INO80D: variants seen among roughly 807,000 people sequenced by gnomAD.
INO80D encodes the protein INO80 complex subunit D.
INO80D carries 21 observed loss-of-function variants against 87.6 expected under a neutral mutation model. The ratio of observed to expected loss-of-function variants is 0.24; its 90% CI spans 0.17 to 0.35. INO80D has a LOEUF of 0.35. Ranked by LOEUF, INO80D falls within the 10% of genes least tolerant of loss-of-function variation. The probability of loss-of-function intolerance (pLI) is 1.00; values close to 1 mark genes in which losing one functional copy is unlikely to be tolerated. For synonymous variants in INO80D, 440 were observed against 491.0 expected (o/e 0.90, Z 1.37); for missense variants, 982 against 1,280.7 (o/e 0.77, Z 3.56).
chr2:206,063,322 T>C (rs1268874703), intron 1 of INO80D, 78 bp from the exon 2 acceptor site: 1 of 504,596 alleles, frequency 2.0e-6, no homozygotes, highest in Non-Finnish European at 3.4e-6. Context: ...AATACTAAGA[T>C]ATCACCCTTA....
intron 5 of INO80D, among the ~76,000 whole-genome samples, chr2:206,039,412 A>G (rs1688977313): frequency 6.6e-6 from 1 of 152,122 alleles, no homozygotes; most frequent in Admixed American, 6.5e-5. Flanking sequence ...CAAAAACAAA[A>G]CAAAAAAGAA....
intron 1 of INO80D, among the ~76,000 whole-genome samples, chr2:206,083,316 A>G (rs1443569304): frequency 6.6e-6 from 1 of 152,228 alleles, no homozygotes; most frequent in African/African-American, 2.4e-5. Flanking sequence ...ATAAGGCAAT[A>G]ACAATTTTTT....
chr2:206,036,869 C>A (rs1426946995), intron 5 of INO80D, among the ~76,000 whole-genome samples: 1 of 152,140 alleles, frequency 6.6e-6, no homozygotes, highest in Non-Finnish European at 1.5e-5. Flanking sequence ...TATTTTATCA[C>A]AGACCAGTAA....
At chr2:206,051,490 T>G (rs1689369898) in intron 4 of INO80D, among the ~76,000 whole-genome samples, 1 of 152,052 alleles carries the variant, frequency 6.6e-6, no homozygotes, top group Non-Finnish European at 1.5e-5. Flanking sequence ...AATATATGGA[T>G]GGAAGAAGTG....
chr2:206,072,674 A>G (rs1690006360), intron 1 of INO80D, among the ~76,000 whole-genome samples: 1 of 152,138 alleles, frequency 6.6e-6, no homozygotes, highest in African/African-American at 2.4e-5. Flanking sequence ...TGGTTTGGAG[A>G]AGGAAGAATA....
At chr2:206,017,875 A>G in intron 7 of INO80D, 62 bp from the exon 8 acceptor site, 1 of 1,488,174 alleles carries the variant, frequency 6.7e-7, no homozygotes, top group Non-Finnish European at 9.1e-7. Context: ...TTTCTATATA[A>G]AATTTGCTTG....
chr2:206,081,936 G>A (rs187495977), intron 1 of INO80D, among the ~76,000 whole-genome samples: 23 of 152,190 alleles, frequency 1.5e-4, no homozygotes, highest in East Asian at 1.2e-3. Flanking sequence ...CTTGCCCAGC[G>A]GAAGGACTGG....
intron 5 of INO80D, among the ~76,000 whole-genome samples, chr2:206,045,985 T>C (rs764315162): frequency 6.6e-6 from 1 of 152,206 alleles, no homozygotes; most frequent in Non-Finnish European, 1.5e-5. Context: ...GGTTCTATTA[T>C]AATTAATTCC....
At chr2:206,067,912 C>T (rs1689862753) in intron 1 of INO80D, among the ~76,000 whole-genome samples, 1 of 152,052 alleles carries the variant, frequency 6.6e-6, no homozygotes, top group Admixed American at 6.6e-5. Context: ...CACTGCACTC[C>T]AGCCTGGGCA....
chr2:206,075,469 T>C (rs1324038515), intron 1 of INO80D, among the ~76,000 whole-genome samples: 79 of 151,432 alleles, frequency 5.2e-4, no homozygotes, highest in African/African-American at 1.8e-3. Context: ...CAGAATCTCA[T>C]TCTGTTGCCC....
chr2:206,058,746 C>CA (rs61085820), intron 3 of INO80D, among the ~76,000 whole-genome samples: 70 of 149,564 alleles, frequency 4.7e-4, no homozygotes, highest in Non-Finnish European at 7.1e-4. Context: ...AAACAAACAA[C>CA]AAAAAAAAAC....
At chr2:206,030,633 G>C (rs554276873) in intron 5 of INO80D, among the ~76,000 whole-genome samples, 7 of 152,278 alleles carry the variant, frequency 4.6e-5, no homozygotes, top group Admixed American at 4.6e-4. Flanking sequence ...GCTTGGTGTG[G>C]CTAAGGTAAG....
intron 9 of INO80D, among the ~76,000 whole-genome samples, chr2:206,009,060 A>G (rs1396135211): frequency 6.6e-6 from 1 of 152,250 alleles, no homozygotes; most frequent in East Asian, 1.9e-4. Context: ...CTGTATTCCC[A>G]GCACTTTGGG....
chr2:206,039,830 A>G (rs1479434864), intron 5 of INO80D, among the ~76,000 whole-genome samples: 2 of 148,190 alleles, frequency 1.3e-5, no homozygotes, highest in Non-Finnish European at 3.0e-5. Flanking sequence ...AAAAAAAAAG[A>G]AAGAAAGAAA....
intron 6 of INO80D, among the ~76,000 whole-genome samples, chr2:206,027,490 G>A (rs921287735): frequency 6.6e-6 from 1 of 152,180 alleles, no homozygotes; most frequent in Non-Finnish European, 1.5e-5. Context: ...CTTCAGGCCA[G>A]GAGTTTGAGA....
Position 206,085,275 on chromosome 2 carries a change from C to T in INO80D, c.-124+626G>A, listed in dbSNP as rs1286131596. Among the ~76,000 whole-genome samples the T allele has an allele frequency of 6.6e-6, 1 of 151,688 alleles. No individual in the cohort carries two copies. The highest frequency in any genetic ancestry group is 2.4e-5 in the African/African-American group (1 of 41,324). On this transcript the variant is annotated intron_variant, in intron 1 of 10. Transcript: ENST00000403263. This position sits in a 1 kb window ranked among gnomAD's most constrained non-coding sequence, Gnocchi z 4.5. Reference sequence around the variant, plus strand: ...CCGCCCCGCCCCGCCCCGGCCTGGCCGTCCGGAGCGCGGAGGAGGGGGATA... The same window carrying T: ...CCGCCCCGCCCCGCCCCGGCCTGGCTGTCCGGAGCGCGGAGGAGGGGGATA...
intron 8 of INO80D, among the ~76,000 whole-genome samples, chr2:206,016,208 T>C (rs1688315419): frequency 6.6e-6 from 1 of 152,222 alleles, no homozygotes; most frequent in Non-Finnish European, 1.5e-5. Context: ...CCCAAGATTA[T>C]GGGAACCTAT....
chr2:206,049,346 G>GA (rs1185708215), intron 4 of INO80D, among the ~76,000 whole-genome samples: 1 of 152,112 alleles, frequency 6.6e-6, no homozygotes, highest in Admixed American at 6.6e-5. Flanking sequence ...TTTGTAGGGG[G>GA]AAAAGGTAAA....
chr2:206,072,133 AC>A, intron 1 of INO80D, among the ~76,000 whole-genome samples: 1 of 152,176 alleles, frequency 6.6e-6, no homozygotes, highest in Non-Finnish European at 1.5e-5. Flanking sequence ...GGGGTGTGTC[AC>A]TTTCTTGAGA....
Sources: gnomAD v4.1 joint callset for allele counts (sites outside exome capture counted in the v4.1 genomes callset) on GRCh38, gnomAD v4.1.1 for gene constraint, Gnocchi (gnomAD v3.1) non-coding constraint, MANE v1.5 for transcripts, NCBI Gene and HGNC (gene_info 2026-07-23, HGNC 2026-07-21) for gene names.